ANKS1B: variants seen among roughly 807,000 people sequenced by gnomAD.
The protein encoded by ANKS1B is ankyrin repeat and sterile alpha motif domain-containing protein 1B.
Under a neutral mutation model 148.3 loss-of-function variants are expected in ANKS1B, and 36 were observed. That is an observed-to-expected ratio of 0.24 (90% confidence interval 0.19 to 0.32). The LOEUF is 0.32. Among genes scored for constraint, ANKS1B ranks in the 10% least tolerant of loss-of-function variants. ANKS1B has a pLI of 1.00. For missense variants in ANKS1B, 1,157 were observed against 1,542.6 expected (o/e 0.75, Z 4.19); for synonymous variants, 542 against 560.8 (o/e 0.97, Z 0.47).
chr12:99,681,662 C>A (rs1260421935), intron 8 of ANKS1B, among the ~76,000 whole-genome samples: 1 of 152,188 alleles, frequency 6.6e-6, no homozygotes, highest in Non-Finnish European at 1.5e-5. Flanking sequence ...CAAGAGAGCA[C>A]CCTGTGGGAC....
At chr12:99,064,578 G>A (rs546459139) in intron 16 of ANKS1B, among the ~76,000 whole-genome samples, 14 of 152,338 alleles carry the variant, frequency 9.2e-5, no homozygotes, top group South Asian at 6.2e-4. Flanking sequence ...AAGGTCAACC[G>A]CTACAGCAAC....
chr12:99,372,397 G>C (rs1349841637), intron 12 of ANKS1B, among the ~76,000 whole-genome samples: 2 of 152,034 alleles, frequency 1.3e-5, no homozygotes, highest in Non-Finnish European at 1.5e-5. Context: ...AACCACTTAG[G>C]GTTCTTATCA....
chr12:99,184,210 A>G (rs1379771097), intron 14 of ANKS1B, among the ~76,000 whole-genome samples: 1 of 152,228 alleles, frequency 6.6e-6, no homozygotes, highest in Non-Finnish European at 1.5e-5. Context: ...GCAATTCCAC[A>G]GAGTTCTAAA....
chr12:98,990,900 G>A, intron 17 of ANKS1B, among the ~76,000 whole-genome samples: 1 of 137,544 alleles, frequency 7.3e-6, no homozygotes, highest in African/African-American at 3.0e-5. Context: ...TGACCCAATT[G>A]AGATTATGGT....
chr12:98,754,162 G>C (rs936294715), intron 25 of ANKS1B, among the ~76,000 whole-genome samples: 2 of 152,224 alleles, frequency 1.3e-5, no homozygotes, highest in African/African-American at 4.8e-5. Context: ...CTGCCTGCTG[G>C]AGATACTGCA....
chr12:99,454,830 T>C (rs1257691810), intron 10 of ANKS1B, among the ~76,000 whole-genome samples: 1 of 152,160 alleles, frequency 6.6e-6, no homozygotes, highest in Non-Finnish European at 1.5e-5. Flanking sequence ...CTAGCAAGAC[T>C]GAACTAGAAT....
intron 14 of ANKS1B, among the ~76,000 whole-genome samples, chr12:99,234,119 G>C (rs2087392226): frequency 6.6e-6 from 1 of 152,102 alleles, no homozygotes; most frequent in Admixed American, 6.6e-5. Flanking sequence ...GCTAGGCATA[G>C]CACTTGACTT....
At chr12:98,852,017 C>T (rs1365264695) in intron 17 of ANKS1B, among the ~76,000 whole-genome samples, 3 of 82,574 alleles carry the variant, frequency 3.6e-5, no homozygotes, top group Admixed American at 1.7e-4. Flanking sequence ...AGCGAGACTC[C>T]ATCTCAAAAA....
intron 17 of ANKS1B, among the ~76,000 whole-genome samples, chr12:98,869,757 C>T (rs920531583): frequency 6.6e-6 from 1 of 151,434 alleles, no homozygotes; most frequent in African/African-American, 2.4e-5. Context: ...TAATGTTTAG[C>T]CATGTAGACA....
At position 99,193,148 on chromosome 12, in the gene ANKS1B, C is replaced by T. The variant is rs147887028; in HGVS notation, c.2420-38753G>A. 5.9e-5 allele frequency among the ~76,000 whole-genome samples: 9 copies of T among 152,244 alleles called. No homozygotes were observed. In the East Asian group the frequency reaches 1.7e-3, roughly 29 times the overall value. On this transcript the variant is annotated intron_variant, in intron 14 of 26. Transcript: ENST00000683438. ...ATAAATTATATATACCTTTAATATG[C>T]TTATTCCTTGTACATAACAGCTATA... is the stretch of plus-strand genomic sequence containing the variant.
At chr12:99,810,989 C>A (rs2068282283) in intron 3 of ANKS1B, among the ~76,000 whole-genome samples, 1 of 151,712 alleles carries the variant, frequency 6.6e-6, no homozygotes, top group Non-Finnish European at 1.5e-5. Context: ...ATAAAGATAG[C>A]CATATCTGTC....
chr12:99,065,272 G>C (rs972176724), intron 16 of ANKS1B, among the ~76,000 whole-genome samples: 1 of 152,104 alleles, frequency 6.6e-6, no homozygotes, highest in African/African-American at 2.4e-5. Flanking sequence ...CATACTTTTA[G>C]TCTCAACTAA....
chr12:99,376,175 C>T (rs2093383758), intron 12 of ANKS1B, among the ~76,000 whole-genome samples: 1 of 152,094 alleles, frequency 6.6e-6, no homozygotes, highest in Non-Finnish European at 1.5e-5. Flanking sequence ...AGACATGCAT[C>T]AGAACTCAAT....
At chr12:99,641,039 C>T (rs1191115096) in intron 9 of ANKS1B, among the ~76,000 whole-genome samples, 2 of 152,148 alleles carry the variant, frequency 1.3e-5, no homozygotes, top group Non-Finnish European at 2.9e-5. Flanking sequence ...GTATACTATA[C>T]ATACTTCCAG....
At chr12:99,507,571 A>T (rs982480197) in intron 9 of ANKS1B, among the ~76,000 whole-genome samples, 1 of 151,920 alleles carries the variant, frequency 6.6e-6, no homozygotes, top group African/African-American at 2.4e-5. Context: ...AAGGAAAGAA[A>T]AAATATTTTA....
chr12:98,807,440 C>T (rs145460688), intron 20 of ANKS1B, among the ~76,000 whole-genome samples: 3 of 152,052 alleles, frequency 2.0e-5, no homozygotes, highest in Non-Finnish European at 4.4e-5. Context: ...AATCATTAGA[C>T]ACAAAGGGTT....
intron 16 of ANKS1B, among the ~76,000 whole-genome samples, chr12:99,063,603 C>T (rs1481784335): frequency 2.0e-5 from 3 of 152,180 alleles, no homozygotes; most frequent in African/African-American, 7.2e-5. Flanking sequence ...CTGGGAGGGA[C>T]GTCTCCAAAA....
At chr12:99,110,569 G>C (rs1027235956) in intron 15 of ANKS1B, among the ~76,000 whole-genome samples, 1 of 152,044 alleles carries the variant, frequency 6.6e-6, no homozygotes, top group African/African-American at 2.4e-5. Flanking sequence ...CATTTCTTTT[G>C]TGCCACTAGG....
intron 12 of ANKS1B, 116 bp from the exon 13 acceptor site, chr12:99,246,980 CAATACCTTCACTTTAT>C (rs1299978557): frequency 1.9e-5 from 15 of 781,752 alleles, no homozygotes; most frequent in Non-Finnish European, 3.1e-5. Context: ...TGCTACATAG[CAATACCTTCACTTTAT>C]GAAATACCCC....
Sources: allele counts gnomAD v4.1 joint callset (sites outside exome capture counted in the v4.1 genomes callset), GRCh38; gene constraint gnomAD v4.1.1; transcripts MANE v1.5; gene names NCBI Gene and HGNC (gene_info 2026-07-23, HGNC 2026-07-21).